Variants in CTNNA3 observed in about 807,000 individuals in gnomAD.
CTNNA3 encodes the protein catenin alpha 3.
A neutral mutation model predicts 95.7 loss-of-function variants in CTNNA3; 76 were observed. The ratio of observed to expected loss-of-function variants is 0.79; its 90% confidence interval spans 0.66 to 0.96. The LOEUF (loss-of-function observed/expected upper bound fraction) is 0.96, where lower values mean the gene tolerates loss of function less well. Among genes scored for constraint, CTNNA3 ranks in the 40% least tolerant of loss-of-function variants. CTNNA3 has a pLI of 0.00. For missense variants in CTNNA3, 1,191 were observed against 1,089.8 expected, an observed-to-expected ratio of 1.09 and a Z score of -1.31; for synonymous variants, 431 against 374.4, an observed-to-expected ratio of 1.15 and a Z score of -1.74.
chr10:66,809,127 G>A (rs535969499), intron 7 of CTNNA3, among the ~76,000 whole-genome samples: 1 of 152,176 alleles, frequency 6.6e-6, no homozygotes, highest in Admixed American at 6.6e-5. Flanking sequence ...ACATCATTTG[G>A]AAATTCTCAA....
In CTNNA3 at chr10:66,875,051, G is replaced by C. The variant is rs116635333; in HGVS notation, c.1048-99527C>G. Among the ~76,000 whole-genome samples the C allele has an allele frequency of 7.2e-4, 110 of 152,294 alleles. 1 individual carries two copies. Among genetic ancestry groups the C allele is most frequent in the African/African-American group, 2.2e-3 (90 of 41,572 alleles). On this transcript the variant is annotated intron_variant, in intron 7 of 17. Transcript: ENST00000433211. ...ATGAGATCCTATCATAGGTGGATTA[G>C]ATGCAGCCAGGGAGATCAGCAATCG...
At chr10:66,443,206 C>A (rs1406997281) in intron 11 of CTNNA3, among the ~76,000 whole-genome samples, 1 of 152,172 alleles carries the variant, frequency 6.6e-6, no homozygotes, top group Non-Finnish European at 1.5e-5. Flanking sequence ...GGCCTGCCTG[C>A]CTCTGTAGGC....
chr10:67,538,773 G>C (rs978821699), intron 4 of CTNNA3, among the ~76,000 whole-genome samples: 1 of 151,950 alleles, frequency 6.6e-6, no homozygotes, highest in African/African-American at 2.4e-5. Context: ...AGAGTATAAG[G>C]GTCCTATTTC....
intron 3 of CTNNA3, among the ~76,000 whole-genome samples, chr10:67,558,286 A>G (rs1589423330): frequency 6.6e-6 from 1 of 152,316 alleles, no homozygotes; most frequent in East Asian, 1.9e-4. Flanking sequence ...GGTCAAGTGA[A>G]TCTTACCTTA....
chr10:66,595,805 T>C (rs1418064852), intron 10 of CTNNA3, among the ~76,000 whole-genome samples: 2 of 147,364 alleles, frequency 1.4e-5, no homozygotes, highest in African/African-American at 5.4e-5. Context: ...CTTAGCTAAT[T>C]TATTTATTTA....
At chr10:67,383,387 C>T (rs1367330999) in intron 5 of CTNNA3, among the ~76,000 whole-genome samples, 1 of 152,086 alleles carries the variant, frequency 6.6e-6, no homozygotes, top group East Asian at 1.9e-4. Flanking sequence ...GAAAGTATTG[C>T]CATACCCATC....
At chr10:66,925,523 G>A (rs569849585) in intron 7 of CTNNA3, among the ~76,000 whole-genome samples, 1 of 152,168 alleles carries the variant, frequency 6.6e-6, no homozygotes, top group East Asian at 1.9e-4. Flanking sequence ...AAGGCTATTG[G>A]ACACATTAAT....
intron 13 of CTNNA3, among the ~76,000 whole-genome samples, chr10:66,181,981 T>G (rs1051906013): frequency 6.6e-6 from 1 of 152,276 alleles, no homozygotes; most frequent in African/African-American, 2.4e-5. Context: ...ACTGGAAATA[T>G]AGATAATTTT....
At chr10:67,504,434 T>TAAA (rs1349243394) in intron 5 of CTNNA3, among the ~76,000 whole-genome samples, 1 of 15,002 alleles carries the variant, frequency 6.7e-5, no homozygotes, top group East Asian at 9.8e-3. Flanking sequence ...AGACTCCATC[T>TAAA]CAAAAAAAAA....
intron 6 of CTNNA3, among the ~76,000 whole-genome samples, chr10:67,207,874 T>A (rs1863969992): frequency 6.6e-6 from 1 of 152,152 alleles, no homozygotes; most frequent in Non-Finnish European, 1.5e-5. Flanking sequence ...CATGACCTCA[T>A]CATCAGAGTA....
intron 5 of CTNNA3, among the ~76,000 whole-genome samples, chr10:67,371,045 T>C (rs927227579): frequency 7.9e-5 from 12 of 151,300 alleles, no homozygotes; most frequent in Non-Finnish European, 1.3e-4. Context: ...TTTTTGTATT[T>C]TTAGTAGAGA....
At chr10:67,273,215 G>T (rs981551892) in intron 5 of CTNNA3, among the ~76,000 whole-genome samples, 4 of 152,024 alleles carry the variant, frequency 2.6e-5, no homozygotes, top group Middle Eastern at 6.8e-3. Flanking sequence ...ATATGAAAGT[G>T]CTTACAACTC....
intron 7 of CTNNA3, among the ~76,000 whole-genome samples, chr10:67,045,932 C>T (rs1324696596): frequency 2.0e-5 from 3 of 152,150 alleles, no homozygotes; most frequent in Non-Finnish European, 2.9e-5. Context: ...AAGAACTTCT[C>T]GAGTAGGTCA....
chr10:67,124,331 G>C (rs973447090), intron 7 of CTNNA3, among the ~76,000 whole-genome samples: 2 of 114,698 alleles, frequency 1.7e-5, no homozygotes, highest in Non-Finnish European at 3.5e-5. Flanking sequence ...GGGTGTGTTA[G>C]CGGTGTGTGT....
intron 7 of CTNNA3, among the ~76,000 whole-genome samples, chr10:66,843,316 T>G (rs1255074528): frequency 1.3e-5 from 2 of 152,154 alleles, no homozygotes; most frequent in Non-Finnish European, 2.9e-5. Flanking sequence ...ACTGCATATT[T>G]CTTTAACAAG....
At chr10:66,827,166 G>A (rs929460579) in intron 7 of CTNNA3, among the ~76,000 whole-genome samples, 7 of 151,990 alleles carry the variant, frequency 4.6e-5, no homozygotes, top group Non-Finnish European at 8.8e-5. Context: ...TTCTATCCAC[G>A]TCCATCCCGC....
chr10:66,516,351 A>T (rs1840857615), intron 11 of CTNNA3, among the ~76,000 whole-genome samples: 1 of 152,210 alleles, frequency 6.6e-6, no homozygotes, highest in Non-Finnish European at 1.5e-5. Flanking sequence ...TTTTAGGCAA[A>T]CATGTCTGCT....
intron 15 of CTNNA3, among the ~76,000 whole-genome samples, chr10:66,042,555 C>A (rs932347046): frequency 2.0e-5 from 3 of 151,682 alleles, no homozygotes; most frequent in Middle Eastern, 3.2e-3. Flanking sequence ...TAAAGAGGGT[C>A]ATATCTAAAA....
At chr10:66,990,528 G>A (rs1349225396) in intron 7 of CTNNA3, among the ~76,000 whole-genome samples, 1 of 152,040 alleles carries the variant, frequency 6.6e-6, no homozygotes, top group Non-Finnish European at 1.5e-5. Context: ...GAGAATTATG[G>A]AAAAAACTAG....
Sources: allele counts gnomAD v4.1 joint callset (sites outside exome capture counted in the v4.1 genomes callset), GRCh38; gene constraint gnomAD v4.1.1; transcripts MANE v1.5; gene names NCBI Gene and HGNC (gene_info 2026-07-23, HGNC 2026-07-21).